The following NCAPG2 variants were observed in gnomAD, a reference collection of about 807,000 sequenced individuals.
NCAPG2 encodes non-SMC condensin II complex subunit G2.
In NCAPG2, 53 loss-of-function variants were observed where a neutral mutation model predicts 141.1. That is an observed-to-expected ratio of 0.38 (90% CI 0.30 to 0.47). NCAPG2 has a LOEUF of 0.47. Ranked by LOEUF, NCAPG2 falls within the 20% of genes least tolerant of loss-of-function variation. The probability of loss-of-function intolerance (pLI) is 0.99; values close to 1 mark genes in which losing one functional copy is unlikely to be tolerated. For missense variants in NCAPG2, 1,087 were observed against 1,389.0 expected (o/e 0.78, Z 3.46); for synonymous variants, 499 against 490.7 (o/e 1.02, Z -0.22).
chr7:158,689,139 G>A (rs1834969656), intron 6 of NCAPG2, among the ~76,000 whole-genome samples: 1 of 152,114 alleles, frequency 6.6e-6, no homozygotes. Flanking sequence ...TAGTAGTCAT[G>A]TTAACAAAAG....
At chr7:158,646,853 C>T (rs190483737) in intron 24 of NCAPG2, among the ~76,000 whole-genome samples, 1 of 151,950 alleles carries the variant, frequency 6.6e-6, no homozygotes. Context: ...CATGACAAGA[C>T]CCTGCCTCTC....
chr7:158,692,949 C>G lies in NCAPG2; in HGVS notation c.275G>C (p.Ser92Thr). 1 of 1,531,002 alleles carries G rather than the reference C, an allele frequency of 6.5e-7. No individual in the cohort carries two copies. Among genetic ancestry groups the G allele is most frequent in the Non-Finnish European group, 8.9e-7 (1 of 1,119,016 alleles). The allele number at this position is 1,531,002 out of a possible 1,614,324, so 94.8% of individuals were successfully genotyped here. ...TGTAATTGCATAAATTATTTCTATG[C>G]TTTTTCTCTATAAATGAAAAATCAA... ...ETEHGSKMRKSIEIIYAITSV... is the reference protein window; with the variant it reads ...ETEHGSKMRKTIEIIYAITSV... Residue 92 changes from serine (S) to threonine (T), a missense_variant, in exon 4 of 28, where the codon AGC (serine) becomes ACC (threonine). Coordinates refer to ENST00000356309, the MANE Select transcript of NCAPG2 (RefSeq NM_017760.7).
chr7:158,665,945 T>G (rs1832896956), intron 13 of NCAPG2, among the ~76,000 whole-genome samples: 1 of 152,158 alleles, frequency 6.6e-6, no homozygotes, highest in Non-Finnish European at 1.5e-5. Flanking sequence ...GTTACTGTAG[T>G]AAGGACAATA....
intron 16 of NCAPG2, among the ~76,000 whole-genome samples, chr7:158,660,397 C>CTT (rs1563525366): frequency 1.8e-5 from 2 of 111,268 alleles, no homozygotes; most frequent in South Asian, 3.0e-4. Flanking sequence ...ATTATTTCAG[C>CTT]TTTCTTTTTT....
At chr7:158,657,199 G>A (rs968823026) in intron 17 of NCAPG2, among the ~76,000 whole-genome samples, 2 of 152,178 alleles carry the variant, frequency 1.3e-5, no homozygotes, top group African/African-American at 2.4e-5. Flanking sequence ...AGAGAAACAG[G>A]TAAAACTAAT....
At chr7:158,669,642 G>A (rs112472171) in intron 13 of NCAPG2, among the ~76,000 whole-genome samples, 7 of 151,682 alleles carry the variant, frequency 4.6e-5, no homozygotes, top group African/African-American at 1.2e-4. Flanking sequence ...GGTGGCACGT[G>A]CCTGTAGTCC....
At chr7:158,663,432 T>C (rs1329538067) in intron 15 of NCAPG2, among the ~76,000 whole-genome samples, 1 of 152,232 alleles carries the variant, frequency 6.6e-6, no homozygotes, top group Non-Finnish European at 1.5e-5. Flanking sequence ...CCAGCATAAC[T>C]GACTGAGGGG....
At chr7:158,699,296 G>C (rs1835644834) in intron 2 of NCAPG2, among the ~76,000 whole-genome samples, 1 of 152,120 alleles carries the variant, frequency 6.6e-6, no homozygotes, top group Non-Finnish European at 1.5e-5. Flanking sequence ...GATTCTCCAA[G>C]AAGGACAAGG....
intron 6 of NCAPG2, 59 bp downstream of exon 6, chr7:158,689,760 G>C: frequency 2.1e-6 from 3 of 1,434,024 alleles, no homozygotes; most frequent in Non-Finnish European, 2.8e-6. Context: ...TGTGAACACA[G>C]GAGAAACATC....
At chr7:158,641,475 G>A (rs1349530802) in intron 27 of NCAPG2, 2 of 674,570 alleles carry the variant, frequency 3.0e-6, no homozygotes, top group South Asian at 1.6e-5. Context: ...TAGCCAATTG[G>A]GACTGAGGCA....
rs963786890 is a variant in NCAPG2, at chr7:158,641,497, TGAGTCCAG to T, written c.3380+2784_3380+2791del. On this transcript the variant is annotated intron_variant, in intron 27 of 27. Transcript: ENST00000356309. ...TTGGGACTGAGGCAGAAGGATAGAT[TGAGTCCAG>T]GAGTCCAGGAGTTAGAGCCCAGCCT... 7.0e-5 allele frequency: 48 copies of T among 684,776 alleles called. No homozygotes were observed. The African/African-American group carries it at 7.3e-4, about 10-fold the overall frequency. 42.4% of individuals were successfully genotyped at this position (684,776 alleles called of 1,614,324 possible).
intron 11 of NCAPG2, 83 bp downstream of exon 11, chr7:158,679,877 G>A (rs529194067): frequency 2.0e-6 from 3 of 1,511,608 alleles, no homozygotes; most frequent in Admixed American, 3.9e-5. Context: ...TTACAGGGGA[G>A]GTGGGGACAC....
At chr7:158,645,449 C>G in intron 26 of NCAPG2, 70 bp downstream of exon 26, 1 of 1,399,446 alleles carries the variant, frequency 7.1e-7, no homozygotes, top group South Asian at 1.2e-5. Context: ...GGCTGATCCC[C>G]GGAATCCCAT....
intron 27 of NCAPG2, among the ~76,000 whole-genome samples, chr7:158,642,380 T>A (rs577372833): frequency 2.6e-5 from 4 of 151,900 alleles, no homozygotes; most frequent in Admixed American, 1.3e-4. Flanking sequence ...TGCAAAAAAA[T>A]TTTTTTCATC....
intron 13 of NCAPG2, 82 bp from the exon 14 acceptor site, chr7:158,664,832 C>CA: frequency 8.2e-7 from 1 of 1,226,508 alleles, no homozygotes; most frequent in Non-Finnish European, 1.1e-6. Flanking sequence ...ATTTCAAGCA[C>CA]AACCAAAAAA....
chr7:158,665,040 T>A (rs868189055), intron 13 of NCAPG2: 1 of 271,882 alleles, frequency 3.7e-6, no homozygotes, highest in Non-Finnish European at 6.9e-6. Context: ...TCTCCAATGA[T>A]AGCTATGATT....
At position 158,658,408 on chromosome 7, in the gene NCAPG2, C is replaced by G. The variant is rs747078281; in HGVS notation, c.1990G>C (p.Asp664His). 6.2e-7 allele frequency: 1 copy of G among 1,605,132 alleles called. No homozygotes were observed. Among genetic ancestry groups the G allele is most frequent in the African/African-American group, 1.3e-5 (1 of 74,558 alleles). The change falls in exon 17 of 28, where the codon GAT (aspartate) becomes CAT (histidine). Residue 664 changes from aspartate to histidine, a missense_variant and splice_region_variant. By Grantham distance (81) the Asp-to-His change is moderately conservative. Coordinates refer to ENST00000356309, the MANE Select transcript of NCAPG2 (RefSeq NM_017760.7). Reference sequence around the variant, plus strand: ...AATAAAGGGATCTTGCAGCGATCATCCTAAAAGCGAAAAAAGAAAAACAAA... The same window carrying G: ...AATAAAGGGATCTTGCAGCGATCATGCTAAAAGCGAAAAAAGAAAAACAAA... ...VLPEYLKVFKDDRCKIPLFML... is the reference protein window; with the variant it reads ...VLPEYLKVFKHDRCKIPLFML...
intron 11 of NCAPG2, 44 bp downstream of exon 11, chr7:158,679,916 C>G (rs775808797): frequency 1.2e-6 from 2 of 1,605,938 alleles, no homozygotes; most frequent in Admixed American, 3.4e-5. Context: ...ACAGCCTGGA[C>G]AAAGCTGATA....
chr7:158,691,883 T>G (rs1835137461), intron 4 of NCAPG2, among the ~76,000 whole-genome samples: 1 of 152,208 alleles, frequency 6.6e-6, no homozygotes, highest in Non-Finnish European at 1.5e-5. Context: ...CATAATCAGG[T>G]ATTTTCTTCT....
Sources: gnomAD v4.1 joint callset for allele counts (sites outside exome capture counted in the v4.1 genomes callset) on GRCh38, gnomAD v4.1.1 for gene constraint, MANE v1.5 for transcripts, NCBI Gene and HGNC (gene_info 2026-07-23, HGNC 2026-07-21) for gene names.